C3orf20: variants seen among roughly 807,000 people sequenced by gnomAD.
The protein encoded by C3orf20 is uncharacterized protein C3orf20.
C3orf20 carries 76 observed loss-of-function variants against 88.3 expected under a neutral mutation model. The ratio of observed to expected loss-of-function variants is 0.86; its 90% confidence interval spans 0.72 to 1.04. The LOEUF (loss-of-function observed/expected upper bound fraction) is 1.04, where lower values mean the gene tolerates loss of function less well. Ranked by LOEUF, C3orf20 falls within the 50% of genes least tolerant of loss-of-function variation. The probability of loss-of-function intolerance (pLI) is 0.00; values close to 1 mark genes in which losing one functional copy is unlikely to be tolerated. For synonymous variants in C3orf20, 436 were observed against 437.4 expected (o/e 1.00, Z 0.04); for missense variants, 1,056 against 1,123.3 (o/e 0.94, Z 0.86).
intron 4 of C3orf20, among the ~76,000 whole-genome samples, chr3:14,688,033 A>G (rs775229950): frequency 6.6e-5 from 10 of 152,232 alleles, no homozygotes; most frequent in Non-Finnish European, 1.5e-4. Context: ...TCTAAGTAGC[A>G]AAACAAAAAC....
chr3:14,695,569 G>A (rs56181619), intron 5 of C3orf20, among the ~76,000 whole-genome samples: 12,520 of 152,158 alleles, frequency 0.082, 600 homozygotes, highest in Middle Eastern at 0.17. Flanking sequence ...TAGAAGATCT[G>A]TCCAGTGCCG....
chr3:14,738,683 G>C (rs532242130), intron 12 of C3orf20, among the ~76,000 whole-genome samples: 125 of 133,934 alleles, frequency 9.3e-4, no homozygotes, highest in African/African-American at 3.3e-3. Context: ...GCCCAGGCTG[G>C]AGTGCAATGG....
chr3:14,748,498 T>C (rs2035123814), intron 12 of C3orf20, among the ~76,000 whole-genome samples: 1 of 152,168 alleles, frequency 6.6e-6, no homozygotes, highest in African/African-American at 2.4e-5. Context: ...CTCTGCCAGC[T>C]TTGGGTTTAG....
In C3orf20 at chr3:14,714,161, T is replaced by C. The variant is rs983928131; in HGVS notation, c.1313+2T>C. Reference sequence around the variant, plus strand: ...TGTTCACTACAACCTAAAAACCAGGTAAGTGGACTGGGAGAGTACTAGTCA... The same window carrying C: ...TGTTCACTACAACCTAAAAACCAGGCAAGTGGACTGGGAGAGTACTAGTCA... On this transcript the variant is annotated splice_donor_variant, in intron 8 of 16. Transcript: ENST00000253697. LOFTEE classifies it high-confidence loss of function. The C allele has an allele frequency of 1.9e-6, 3 of 1,613,326 alleles. No homozygotes were observed. Among genetic ancestry groups the C allele is most frequent in the Non-Finnish European group, 2.5e-6 (3 of 1,179,940 alleles).
intron 8 of C3orf20, 30 bp downstream of exon 8, chr3:14,714,189 C>G (rs759054514): frequency 1.9e-6 from 3 of 1,609,840 alleles, no homozygotes; most frequent in Non-Finnish European, 2.5e-6. Flanking sequence ...ACTAGTCACA[C>G]GGAAGTACCT....
chr3:14,702,291 G>A (rs1322964514), intron 5 of C3orf20, among the ~76,000 whole-genome samples: 2 of 152,008 alleles, frequency 1.3e-5, no homozygotes, highest in African/African-American at 2.4e-5. Context: ...GGGAAAGACC[G>A]GCCCCATGAT....
intron 15 of C3orf20, among the ~76,000 whole-genome samples, chr3:14,771,485 T>A (rs1000261625): frequency 6.6e-6 from 1 of 152,228 alleles, no homozygotes; most frequent in African/African-American, 2.4e-5. Flanking sequence ...CAGGCCTTGC[T>A]CCCTGTTCCT....
intron 5 of C3orf20, among the ~76,000 whole-genome samples, chr3:14,694,507 T>C (rs2032881245): frequency 6.6e-6 from 1 of 152,206 alleles, no homozygotes; most frequent in Non-Finnish European, 1.5e-5. Context: ...AATGATCCTT[T>C]GAATTTTTGC....
intron 14 of C3orf20, 123 bp from the exon 15 acceptor site, chr3:14,761,350 C>T (rs974884231): frequency 8.5e-6 from 10 of 1,175,782 alleles, no homozygotes; most frequent in African/African-American, 4.5e-5. Context: ...GCCTGCCTCA[C>T]GGCGTAAGCT....
At chr3:14,675,529 G>A (rs143867080) in intron 1 of C3orf20, among the ~76,000 whole-genome samples, 429 of 152,152 alleles carry the variant, frequency 2.8e-3, no homozygotes, top group African/African-American at 9.9e-3. Flanking sequence ...CTGGCCTATC[G>A]ATGTTCTGTT....
At position 14,757,496 on chromosome 3, in the gene C3orf20, C is replaced by T. The variant is rs34045813; in HGVS notation, c.2066C>T (p.Ala689Val). ...TRAGCKCLVK[A>V]PLVSDVELER... ...GCTGGCTGCAAGTGCCTGGTGAAGG[C>T]GCCCCTGGTCTCTGACGTGGAGCTG... The change falls in exon 13 of 17, where the codon GCG (alanine) becomes GTG (valine). Residue 689 changes from alanine (A) to valine (V), a missense_variant. Ala to Val is a moderately conservative substitution (Grantham distance 64). Transcript: ENST00000253697. 4,425 of 1,613,784 alleles carry T rather than the reference C, an allele frequency of 2.7e-3. 97 individuals carry two copies. In the African/African-American group the frequency reaches 0.048, roughly 17 times the overall value.
chr3:14,679,231 T>G (rs1031798784), intron 1 of C3orf20, among the ~76,000 whole-genome samples: 19 of 152,234 alleles, frequency 1.2e-4, no homozygotes, highest in African/African-American at 4.3e-4. Context: ...CATAAGTCAG[T>G]TTTGTAAGTC....
At chr3:14,723,011 G>A (rs1490619108) in intron 10 of C3orf20, among the ~76,000 whole-genome samples, 2 of 152,234 alleles carry the variant, frequency 1.3e-5, no homozygotes. Flanking sequence ...CTAAGGGAAG[G>A]CTCCTAGAAG....
At chr3:14,696,371 C>CATTATTATTATTATTATT (rs141837445) in intron 5 of C3orf20, among the ~76,000 whole-genome samples, 27 of 142,044 alleles carry the variant, frequency 1.9e-4, no homozygotes, top group African/African-American at 5.2e-4. Flanking sequence ...GTTGTGCTAT[C>CATTATTATTATTATTATT]ATTATTATTA....
chr3:14,769,389 A>C (rs2125047310), intron 15 of C3orf20, among the ~76,000 whole-genome samples: 1 of 152,092 alleles, frequency 6.6e-6, no homozygotes, highest in South Asian at 2.1e-4. Context: ...TAGGGGAGCC[A>C]CCAAGACAGG....
chr3:14,757,639 C>T lies in C3orf20; in HGVS notation c.2209C>T (p.His737Tyr). The T allele has an allele frequency of 6.2e-7, 1 of 1,611,874 alleles. No individual in the cohort carries two copies. The highest frequency in any genetic ancestry group is 8.5e-7 in the Non-Finnish European group (1 of 1,178,372). ...LQWLLNTLYN[H>Y]QQRGRGSPCI... is the part of the protein sequence containing the mutation. The stretch of plus-strand genomic sequence containing the variant: ...GTGGCTGCTGAACACTCTCTACAAC[C>T]ACCAGCAGCGGGGCCGTGGCTCCCC... The change falls in exon 13 of 17, where the codon CAC becomes TAC. Residue 737 changes from histidine to tyrosine, a missense_variant. Coordinates refer to ENST00000253697, the MANE Select transcript of C3orf20 (RefSeq NM_032137.5).
chr3:14,711,181 AG>A (rs1379308032), intron 7 of C3orf20, among the ~76,000 whole-genome samples: 2 of 152,176 alleles, frequency 1.3e-5, no homozygotes, highest in African/African-American at 4.8e-5. Flanking sequence ...TGCAGGCGTG[AG>A]CTACTGCAAG....
rs768041924 is a variant in C3orf20 at position 14,713,991 on chromosome 3, T to C, written c.1161-16T>C. 3 of 1,613,850 alleles carry C rather than the reference T, an allele frequency of 1.9e-6. No individual in the cohort carries two copies. The highest frequency in any genetic ancestry group is 3.3e-5 in the Admixed American group (2 of 60,008). ...AGGGGAGTTTTCTGTTAGTTCTACC[T>C]GAACATTTCTGCCAGCTATCCCTCT... On this transcript the variant is annotated splice_polypyrimidine_tract_variant and intron_variant, in intron 7 of 16. Transcript: ENST00000253697.
rs758471240 is a variant in C3orf20, at chr3:14,752,460, T to C, written c.1941-4911T>C. 6.6e-5 allele frequency among the ~76,000 whole-genome samples: 10 copies of C among 152,256 alleles called. No individual in the cohort carries two copies. In the East Asian group the frequency reaches 1.5e-3, roughly 23 times the overall value. ...TTCGTGACTAAAACATCAAAAGCAA[T>C]GGCAACAATAGCCAAAATAGATAAA... is the stretch of plus-strand genomic sequence containing the variant. On this transcript the variant is annotated intron_variant, in intron 12 of 16. Transcript: ENST00000253697.
Sources: allele counts gnomAD v4.1 joint callset (sites outside exome capture counted in the v4.1 genomes callset), GRCh38; gene constraint gnomAD v4.1.1; transcripts MANE v1.5; gene names NCBI Gene and HGNC (gene_info 2026-07-23, HGNC 2026-07-21).